Variants in STAG1 observed in about 807,000 individuals in gnomAD.
STAG1 encodes the protein cohesin subunit SA-1.
A neutral mutation model predicts 170.9 loss-of-function variants in STAG1; 26 were observed. The ratio of observed to expected loss-of-function variants is 0.15; its 90% CI spans 0.11 to 0.21. STAG1 has a LOEUF of 0.21. Ranked by LOEUF, STAG1 falls within the 10% of genes least tolerant of loss-of-function variation. The pLI is 1.00. For synonymous variants in STAG1, 514 were observed against 497.7 expected (o/e 1.03, Z -0.44); for missense variants, 964 against 1,509.5 (o/e 0.64, Z 5.99).
intron 28 of STAG1, 90 bp downstream of exon 28, chr3:136,357,630 A>G: frequency 1.0e-6 from 1 of 970,248 alleles, no homozygotes. Context: ...TCAAGAGTAA[A>G]GATATCCAAA....
rs553472752 is a variant in STAG1, at chr3:136,634,377, A to C, written c.-83-3396T>G. ...TCAGCCCCCAAAACAAACAAACAAA[A>C]AAAAAACCAGGGCACCATATAATGG... On this transcript the variant is annotated intron_variant, in intron 1 of 33. Coordinates refer to ENST00000383202, the MANE Select transcript of STAG1 (RefSeq NM_005862.3). Among the ~76,000 whole-genome samples the C allele has an allele frequency of 2.8e-3, 431 of 151,956 alleles. 2 individuals are homozygous for C. The highest frequency in any genetic ancestry group is 8.7e-3 in the African/African-American group (360 of 41,472).
chr3:136,355,118 C>T (rs992684005), intron 28 of STAG1, among the ~76,000 whole-genome samples: 2 of 151,502 alleles, frequency 1.3e-5, no homozygotes, highest in South Asian at 2.1e-4. Flanking sequence ...TTTGGGAGGC[C>T]GAGGTGGGCA....
At chr3:136,424,567 A>G (rs896707002) in intron 16 of STAG1, among the ~76,000 whole-genome samples, 3 of 151,952 alleles carry the variant, frequency 2.0e-5, no homozygotes, top group African/African-American at 7.2e-5. Flanking sequence ...TCCTGACCGC[A>G]AGTGATCCGC....
At chr3:136,479,327 G>A (rs1261606048) in intron 9 of STAG1, among the ~76,000 whole-genome samples, 11 of 127,740 alleles carry the variant, frequency 8.6e-5, no homozygotes, top group Non-Finnish European at 1.7e-4. Flanking sequence ...AATATGCGGT[G>A]TTTGGTTTTT....
At chr3:136,500,720 A>G (rs951096016) in intron 8 of STAG1, among the ~76,000 whole-genome samples, 21 of 152,332 alleles carry the variant, frequency 1.4e-4, no homozygotes, top group African/African-American at 5.1e-4. Context: ...TAATGTATCC[A>G]AACATTACTC....
intron 3 of STAG1, among the ~76,000 whole-genome samples, chr3:136,606,750 CT>C (rs529115947): frequency 2.4e-3 from 306 of 126,916 alleles, no homozygotes; most frequent in East Asian, 5.8e-3. Context: ...AGGTAACATG[CT>C]TTTTTTTTTT....
intron 1 of STAG1, among the ~76,000 whole-genome samples, chr3:136,751,808 C>CG (rs66637715): frequency 6.5e-4 from 97 of 148,258 alleles, no homozygotes; most frequent in East Asian, 1.6e-3. Context: ...AGAGCCCGGG[C>CG]GGGGGGGGGC....
At chr3:136,437,325 C>G (rs942671302) in intron 15 of STAG1, among the ~76,000 whole-genome samples, 1 of 152,168 alleles carries the variant, frequency 6.6e-6, no homozygotes, top group Non-Finnish European at 1.5e-5. Context: ...AACTCAAAAG[C>G]AGTTGAAATT....
At chr3:136,377,881 T>C (rs1213145395) in intron 22 of STAG1, 129 bp from the exon 23 acceptor site, 11 of 701,890 alleles carry the variant, frequency 1.6e-5, no homozygotes, top group East Asian at 2.7e-5. Flanking sequence ...AAATTTAATG[T>C]TGGGAACCAT....
chr3:136,654,021 A>G (rs1456131801), intron 1 of STAG1, among the ~76,000 whole-genome samples: 1 of 152,232 alleles, frequency 6.6e-6, no homozygotes, highest in African/African-American at 2.4e-5. Context: ...AAAAACACAC[A>G]GCAAACATCA....
chr3:136,419,550 T>A (rs951918649), intron 20 of STAG1, among the ~76,000 whole-genome samples: 1 of 152,022 alleles, frequency 6.6e-6, no homozygotes, highest in African/African-American at 2.4e-5. Flanking sequence ...GTTCAAGCGA[T>A]TCTCGTGCCA....
At chr3:136,691,328 G>A (rs942806116) in intron 1 of STAG1, among the ~76,000 whole-genome samples, 1 of 151,884 alleles carries the variant, frequency 6.6e-6, no homozygotes, top group African/African-American at 2.4e-5. Flanking sequence ...CCAGCTACTC[G>A]GGAGGCTGCG....
chr3:136,548,162 G>T (rs773038432), intron 5 of STAG1, among the ~76,000 whole-genome samples: 1 of 151,152 alleles, frequency 6.6e-6, no homozygotes, highest in African/African-American at 2.4e-5. Flanking sequence ...CATCCAGGCT[G>T]GAGTGCAGTG....
intron 1 of STAG1, chr3:136,737,321 C>A: frequency 2.5e-6 from 1 of 392,370 alleles, no homozygotes; most frequent in South Asian, 2.0e-5. Context: ...CCAGGCTGGT[C>A]TCCAACTCCT....
chr3:136,473,198 A>T (rs768047318), intron 11 of STAG1, among the ~76,000 whole-genome samples: 14 of 152,202 alleles, frequency 9.2e-5, no homozygotes, highest in Non-Finnish European at 1.9e-4. Flanking sequence ...CTAGATGGGA[A>T]CATCTAGTTG....
intron 1 of STAG1, among the ~76,000 whole-genome samples, chr3:136,676,686 C>G (rs888992390): frequency 6.6e-6 from 1 of 152,050 alleles, no homozygotes; most frequent in Non-Finnish European, 1.5e-5. Flanking sequence ...CTGGCCTCAA[C>G]TGATTTTCCG....
chr3:136,660,079 A>T (rs1027651348), intron 1 of STAG1, among the ~76,000 whole-genome samples: 35 of 152,376 alleles, frequency 2.3e-4, no homozygotes, highest in South Asian at 6.2e-4. Context: ...GCGTGTGCGC[A>T]TGTGTGTCTG....
rs546436870 is a variant in STAG1 at position 136,646,620 on chromosome 3, A to G, written c.-83-15639T>C. Among the ~76,000 whole-genome samples, 44 of 152,302 alleles carry G rather than the reference A, an allele frequency of 2.9e-4. 1 individual carries two copies. Among genetic ancestry groups the G allele is most frequent in the Middle Eastern group, 3.4e-3 (1 of 292 alleles). On this transcript the variant is annotated intron_variant, in intron 1 of 33. Transcript: ENST00000383202. ...TTCCATAGCACTATAAGATGACAGT[A>G]GTTAAAAATAATATAGTTTCATAAC...
chr3:136,563,282 G>A (rs1351490559), intron 5 of STAG1, among the ~76,000 whole-genome samples: 1 of 152,094 alleles, frequency 6.6e-6, no homozygotes, highest in African/African-American at 2.4e-5. Flanking sequence ...CCCAAGTTAC[G>A]TTGGTTAGTA....
Sources: gnomAD v4.1 joint callset for allele counts (sites outside exome capture counted in the v4.1 genomes callset) on GRCh38, gnomAD v4.1.1 for gene constraint, MANE v1.5 for transcripts, NCBI Gene and HGNC (gene_info 2026-07-23, HGNC 2026-07-21) for gene names.